CEP126: variants seen among roughly 807,000 people sequenced by gnomAD.
CEP126 encodes centrosomal protein 126.
CEP126 carries 74 observed loss-of-function variants against 107.8 expected under a neutral mutation model. The ratio of observed to expected loss-of-function variants is 0.69; its 90% confidence interval spans 0.57 to 0.83. The LOEUF (loss-of-function observed/expected upper bound fraction) is 0.83. Among genes scored for constraint, CEP126 ranks in the 40% least tolerant of loss-of-function variants. The pLI is 0.00. For missense variants in CEP126, 1,237 were observed against 1,281.9 expected (o/e 0.96, Z 0.53); for synonymous variants, 449 against 446.0 (o/e 1.01, Z -0.08).
chr11:101,929,974 C>CTTTTTTTT (rs60650996), intron 2 of CEP126, among the ~76,000 whole-genome samples: 8 of 118,686 alleles, frequency 6.7e-5, no homozygotes, highest in African/African-American at 1.2e-4. Flanking sequence ...TTAGTTAGGA[C>CTTTTTTTT]TTTTTTTTTT....
chr11:101,915,650 T>C (rs1276027675), intron 1 of CEP126, among the ~76,000 whole-genome samples: 2 of 152,214 alleles, frequency 1.3e-5, no homozygotes, highest in African/African-American at 2.4e-5. Flanking sequence ...TTCTTCAACT[T>C]TGTAAAATTT....
chr11:101,917,602 TTA>T (rs1491412339), intron 1 of CEP126, among the ~76,000 whole-genome samples: 1 of 143,812 alleles, frequency 7.0e-6, no homozygotes, highest in African/African-American at 2.5e-5. Flanking sequence ...GAAATGGAAT[TTA>T]AAAAAAAAAA....
chr11:101,982,512 T>G (rs948076612), intron 8 of CEP126, among the ~76,000 whole-genome samples: 9 of 152,164 alleles, frequency 5.9e-5, no homozygotes, highest in African/African-American at 2.2e-4. Context: ...TTTCTGTGTA[T>G]TTTTTGGTGA....
intron 6 of CEP126, among the ~76,000 whole-genome samples, chr11:101,972,954 A>G (rs963503946): frequency 6.6e-6 from 1 of 152,156 alleles, no homozygotes; most frequent in Admixed American, 6.5e-5. Context: ...GCCTTTTCCA[A>G]TCAACTTTGT....
In CEP126 at chr11:101,987,017, A is replaced by G. The variant is rs1941324420; in HGVS notation, c.3220A>G (p.Asn1074Asp). The G allele has an allele frequency of 1.2e-6, 2 of 1,610,138 alleles. No individual in the cohort carries two copies. The highest frequency in any genetic ancestry group is 1.7e-6 in the Non-Finnish European group (2 of 1,176,852). Residue 1074 changes from asparagine to aspartate, a missense_variant, in exon 9 of 11, where the codon AAT (asparagine) becomes GAT (aspartate). By Grantham distance (23) the Asn-to-Asp change is conservative (BLOSUM62 1). Transcript: ENST00000263468. ...AGAACAGAAGATCCTAGAGTCCCTT[A>G]ATGATCTCAGTGAAAGACTACATTG... ...AEEQKILESL[N>D]DLSERLHYIQ...
Position 101,915,145 on chromosome 11 carries a change from T to C in CEP126, c.-140T>C. 7.6e-7 allele frequency: 1 copy of C among 1,319,136 alleles called. No homozygotes were observed. Among genetic ancestry groups the C allele is most frequent in the Non-Finnish European group, 1.0e-6 (1 of 966,156 alleles). 81.7% of individuals were successfully genotyped at this position (1,319,136 alleles called of 1,614,324 possible). A position where few individuals can be genotyped will look rare whatever the true frequency, so the allele number is the denominator to read the frequency against. ...TGCCGCTGCGCGGGAGCTAGGGCTG[T>C]CGAGGCCAACCCTTCCGCGCCCGTG... On this transcript the variant is annotated 5_prime_UTR_variant, in exon 1 of 11. Transcript: ENST00000263468.
chr11:101,979,576 C>T (rs1349532957), intron 7 of CEP126, among the ~76,000 whole-genome samples: 1 of 151,930 alleles, frequency 6.6e-6, no homozygotes. Context: ...AGCAAGACCT[C>T]GTCTCTGCAA....
chr11:101,922,296 C>G (rs1450676856), intron 1 of CEP126, among the ~76,000 whole-genome samples: 1 of 151,878 alleles, frequency 6.6e-6, no homozygotes, highest in Non-Finnish European at 1.5e-5. Flanking sequence ...TCCCAAGTAG[C>G]TGGGAATACA....
At chr11:101,967,416 A>G (rs1007311601) in intron 6 of CEP126, among the ~76,000 whole-genome samples, 2 of 152,114 alleles carry the variant, frequency 1.3e-5, no homozygotes, top group African/African-American at 4.8e-5. Flanking sequence ...GCCCAGGGGG[A>G]AAAAATTATT....
At chr11:101,944,434 T>C (rs909128349) in intron 3 of CEP126, 24 bp downstream of exon 3, 1 of 1,587,344 alleles carries the variant, frequency 6.3e-7, no homozygotes, top group Non-Finnish European at 8.5e-7. Context: ...TAGAACAGTA[T>C]GAGAACATAA....
intron 8 of CEP126, among the ~76,000 whole-genome samples, chr11:101,983,363 A>G (rs778658446): frequency 4.6e-5 from 7 of 151,918 alleles, no homozygotes; most frequent in Non-Finnish European, 2.9e-5. Flanking sequence ...GCTTTGGAAG[A>G]GATGAACAGA....
rs960191428 is a variant in CEP126, at chr11:101,998,454, A to C, written c.*811A>C. 3.9e-5 allele frequency: 6 copies of C among 151,974 alleles called. No individual in the cohort carries two copies. The highest frequency in any genetic ancestry group is 1.5e-4 in the African/African-American group (6 of 41,350). The allele number at this position is 151,974 out of a possible 1,614,324, so 9.4% of individuals were successfully genotyped here. A position where few individuals can be genotyped will look rare whatever the true frequency, so the allele number is the denominator to read the frequency against. ...ACCAGGCATGGTGGCATGCACCTGT[A>C]GTCCCAGCTACTTGGGGTGCTGAGG... is the stretch of plus-strand genomic sequence containing the variant. On this transcript the variant is annotated 3_prime_UTR_variant, in exon 11 of 11. Coordinates refer to ENST00000263468, the MANE Select transcript of CEP126 (RefSeq NM_020802.4).
chr11:101,917,523 GTTTA>G (rs1437663909), intron 1 of CEP126, among the ~76,000 whole-genome samples: 2 of 149,154 alleles, frequency 1.3e-5, no homozygotes, highest in African/African-American at 2.5e-5. Context: ...ACCTTATGAA[GTTTA>G]TTTAATTAAA....
Position 101,962,423 on chromosome 11 carries a change from T to C in CEP126, c.1388T>C (p.Leu463Ser), listed in dbSNP as rs1338017838. The C allele has an allele frequency of 5.0e-6, 8 of 1,613,886 alleles. No homozygotes were observed. The highest frequency in any genetic ancestry group is 6.8e-6 in the Non-Finnish European group (8 of 1,179,850). ...PTSCVPVATP[L>S]VLPSNIQSAR... ...TCATGTGTACCAGTGGCAACGCCTT[T>C]AGTTTTGCCATCTAATATACAGTCA... Residue 463 changes from leucine to serine, a missense_variant, in exon 6 of 11, where the codon TTA (leucine) becomes TCA (serine). Leu to Ser is a moderately radical substitution (Grantham distance 145). This residue lies in a region of CEP126 where 1,134 missense variants were observed against 1,150.5 expected (regional missense o/e 0.99). Transcript: ENST00000263468.
Position 101,947,408 on chromosome 11 carries a change from G to A in CEP126, c.395-623G>A, listed in dbSNP as rs77181514. On this transcript the variant is annotated intron_variant, in intron 3 of 10. Transcript: ENST00000263468. ...AGAGAGAGAAGTAGGGTAAAATAGAGTATGTTGAATACCAAAGTGCACAGT... is the reference window on the plus strand; with the variant it reads ...AGAGAGAGAAGTAGGGTAAAATAGAATATGTTGAATACCAAAGTGCACAGT... 6.1e-3 allele frequency among the ~76,000 whole-genome samples: 936 copies of A among 152,248 alleles called. 12 individuals are homozygous for A. Among genetic ancestry groups the A allele is most frequent in the African/African-American group, 0.02 (850 of 41,548 alleles).
intron 6 of CEP126, among the ~76,000 whole-genome samples, chr11:101,971,507 G>A (rs1414101235): frequency 6.6e-6 from 1 of 152,020 alleles, no homozygotes; most frequent in Non-Finnish European, 1.5e-5. Context: ...ACATTTATTT[G>A]CATTCAGTTT....
intron 2 of CEP126, among the ~76,000 whole-genome samples, chr11:101,937,370 G>A (rs1376170919): frequency 6.6e-6 from 1 of 152,162 alleles, no homozygotes; most frequent in Non-Finnish European, 1.5e-5. Flanking sequence ...ACGTGTTCAA[G>A]GTAATGAACC....
intron 2 of CEP126, among the ~76,000 whole-genome samples, chr11:101,934,241 A>G (rs1402227695): frequency 6.6e-6 from 1 of 151,970 alleles, no homozygotes; most frequent in Non-Finnish European, 1.5e-5. Context: ...TCTCCCTACT[A>G]TTATTCCAGC....
chr11:101,923,011 A>G (rs573686210), intron 2 of CEP126, among the ~76,000 whole-genome samples: 2 of 152,174 alleles, frequency 1.3e-5, no homozygotes, highest in Non-Finnish European at 2.9e-5. Context: ...GCATTGTCAT[A>G]TACACTTCTT....
Sources: allele counts gnomAD v4.1 joint callset (sites outside exome capture counted in the v4.1 genomes callset), GRCh38; gene constraint gnomAD v4.1.1; regional missense constraint gnomAD v4.1.1; transcripts MANE v1.5; gene names NCBI Gene and HGNC (gene_info 2026-07-23, HGNC 2026-07-21).